DPYD: variants seen among roughly 807,000 people sequenced by gnomAD.
The protein encoded by DPYD is dihydropyrimidine dehydrogenase [NADP(+)].
In DPYD, 109 loss-of-function variants were observed where a neutral mutation model predicts 116.2. The ratio of observed to expected loss-of-function variants is 0.94; its 90% CI spans 0.80 to 1.10. The LOEUF is 1.10. Among genes scored for constraint, DPYD ranks in the 50% least tolerant of loss-of-function variants. DPYD has a pLI of 0.00. For missense variants in DPYD, 1,302 were observed against 1,254.5 expected (o/e 1.04, Z -0.57); for synonymous variants, 440 against 432.0 (o/e 1.02, Z -0.23).
chr1:97,112,352 C>A (rs1651661317), intron 20 of DPYD, among the ~76,000 whole-genome samples: 1 of 152,040 alleles, frequency 6.6e-6, no homozygotes, highest in Non-Finnish European at 1.5e-5. Flanking sequence ...CAGGATTGCT[C>A]ATACAGTTAT....
At chr1:97,296,877 T>C (rs1666571887) in intron 18 of DPYD, among the ~76,000 whole-genome samples, 1 of 152,072 alleles carries the variant, frequency 6.6e-6, no homozygotes, top group South Asian at 2.1e-4. Context: ...TTTAAATGGG[T>C]GATGATAAAT....
chr1:97,814,589 G>T (rs1012080399), intron 3 of DPYD, among the ~76,000 whole-genome samples: 1 of 151,986 alleles, frequency 6.6e-6, no homozygotes, highest in Non-Finnish European at 1.5e-5. Flanking sequence ...TTTTTTCCAC[G>T]AATTCCAGAT....
intron 3 of DPYD, among the ~76,000 whole-genome samples, chr1:97,767,472 C>T (rs1397325758): frequency 9.3e-6 from 1 of 107,110 alleles, no homozygotes; most frequent in Non-Finnish European, 2.0e-5. Flanking sequence ...TGAACCTCAG[C>T]CTCAAGAAAC....
intron 20 of DPYD, among the ~76,000 whole-genome samples, chr1:97,163,510 A>G (rs1300579772): frequency 6.6e-6 from 1 of 152,132 alleles, no homozygotes; most frequent in African/African-American, 2.4e-5. Context: ...AGACTGGGTA[A>G]TTTCTAAACA....
chr1:97,488,196 T>G (rs12058771), intron 13 of DPYD, among the ~76,000 whole-genome samples: 12,913 of 152,174 alleles, frequency 0.085, 660 homozygotes, highest in South Asian at 0.1. Flanking sequence ...TACACTTGTA[T>G]AAATCTATTT....
chr1:97,622,657 G>A (rs1656698627), intron 8 of DPYD, among the ~76,000 whole-genome samples: 1 of 152,010 alleles, frequency 6.6e-6, no homozygotes, highest in East Asian at 1.9e-4. Context: ...GCTAACAAGA[G>A]AGGAAACTGA....
At chr1:97,280,579 T>TCA (rs1467971933) in intron 18 of DPYD, among the ~76,000 whole-genome samples, 2 of 152,326 alleles carry the variant, frequency 1.3e-5, no homozygotes, top group Non-Finnish European at 2.9e-5. Flanking sequence ...TGAAATCCTT[T>TCA]CATTTGTGGC....
At chr1:97,409,830 C>T (rs1445999911) in intron 14 of DPYD, among the ~76,000 whole-genome samples, 1 of 152,158 alleles carries the variant, frequency 6.6e-6, no homozygotes, top group African/African-American at 2.4e-5. Context: ...CACAATGGCT[C>T]ACACCTTTTT....
chr1:97,864,166 TTGGTC>T (rs1571492382), intron 2 of DPYD, among the ~76,000 whole-genome samples: 1 of 152,012 alleles, frequency 6.6e-6, no homozygotes, highest in African/African-American at 2.4e-5. Context: ...AGCAAAACTT[TTGGTC>T]TGTTTTGTTA....
intron 20 of DPYD, among the ~76,000 whole-genome samples, chr1:97,124,721 C>G (rs1652703072): frequency 1.3e-5 from 2 of 152,140 alleles, no homozygotes; most frequent in Admixed American, 1.3e-4. Context: ...TGCATCTTTG[C>G]ACACCCCGGA....
At chr1:97,858,307 G>A (rs890621861) in intron 2 of DPYD, among the ~76,000 whole-genome samples, 1 of 152,078 alleles carries the variant, frequency 6.6e-6, no homozygotes, top group African/African-American at 2.4e-5. Flanking sequence ...ACGAATTCAA[G>A]TGTTTTTGTT....
intron 20 of DPYD, among the ~76,000 whole-genome samples, chr1:97,156,932 C>T (rs532773374): frequency 4.6e-5 from 7 of 151,676 alleles, no homozygotes; most frequent in South Asian, 4.2e-4. Flanking sequence ...GAATACTATG[C>T]AGCCATAAAA....
intron 15 of DPYD, among the ~76,000 whole-genome samples, chr1:97,374,351 T>C (rs1422975215): frequency 2.0e-5 from 3 of 152,208 alleles, no homozygotes; most frequent in Admixed American, 1.3e-4. Context: ...CTAAGTATTC[T>C]TGGAATACTT....
chr1:97,435,595 T>TA (rs1675425807), intron 14 of DPYD, among the ~76,000 whole-genome samples: 1 of 151,914 alleles, frequency 6.6e-6, no homozygotes, highest in African/African-American at 2.4e-5. Flanking sequence ...CTGAATCAAT[T>TA]ATCTAATCAA....
At chr1:97,234,708 A>G in intron 19 of DPYD, 144 bp downstream of exon 19, 1 of 983,640 alleles carries the variant, frequency 1.0e-6, no homozygotes, top group Non-Finnish European at 1.5e-6. Flanking sequence ...TGTCAGAGGA[A>G]CTTAATACAT....
chr1:97,895,047 A>C (rs1386839225), intron 1 of DPYD, among the ~76,000 whole-genome samples: 4 of 151,818 alleles, frequency 2.6e-5, no homozygotes. Flanking sequence ...AAAATTCACC[A>C]GTTCATTGGG....
At chr1:97,174,616 T>A (rs1039765843) in intron 20 of DPYD, among the ~76,000 whole-genome samples, 2 of 152,224 alleles carry the variant, frequency 1.3e-5, no homozygotes, top group Non-Finnish European at 2.9e-5. Context: ...AGGTTTTTAG[T>A]TCCCAAAGGC....
At chr1:97,580,900 T>C (rs964132960) in intron 10 of DPYD, among the ~76,000 whole-genome samples, 3 of 152,180 alleles carry the variant, frequency 2.0e-5, no homozygotes, top group Non-Finnish European at 4.4e-5. Context: ...TGGCTATTAC[T>C]TCCTACCTCC....
intron 12 of DPYD, among the ~76,000 whole-genome samples, chr1:97,519,605 T>C (rs1012396593): frequency 1.3e-5 from 2 of 152,192 alleles, no homozygotes; most frequent in African/African-American, 4.8e-5. Flanking sequence ...TATTATTATG[T>C]AGAGCTAGAA....
Sources: allele counts gnomAD v4.1 joint callset (sites outside exome capture counted in the v4.1 genomes callset), GRCh38; gene constraint gnomAD v4.1.1; transcripts MANE v1.5; gene names NCBI Gene and HGNC (gene_info 2026-07-23, HGNC 2026-07-21).